Variants in HMGXB4 observed in about 807,000 individuals in gnomAD.
HMGXB4 encodes HMG-box containing 4.
HMGXB4 carries 27 observed loss-of-function variants against 63.9 expected under a neutral mutation model. The ratio of observed to expected loss-of-function variants is 0.42; its 90% confidence interval spans 0.31 to 0.58. HMGXB4 has a LOEUF of 0.58. HMGXB4 is among the 20% of genes least tolerant of loss of function. The pLI, the probability that HMGXB4 is intolerant of heterozygous loss-of-function variation, is 0.13. For synonymous variants in HMGXB4, 264 were observed against 265.3 expected, an observed-to-expected ratio of 0.99 and a Z score of 0.05; for missense variants, 624 against 700.7, an observed-to-expected ratio of 0.89 and a Z score of 1.24.
At chr22:35,263,644 CTT>C in intron 3 of HMGXB4, 150 bp from the exon 4 acceptor site, 1 of 640,164 alleles carries the variant, frequency 1.6e-6, no homozygotes. Context: ...TTTTTAATAA[CTT>C]GAGAAAAGAA....
At chr22:35,287,492 G>A (rs1053876578) in intron 8 of HMGXB4, 40 bp downstream of exon 8, 2 of 1,451,078 alleles carry the variant, frequency 1.4e-6, no homozygotes, top group Non-Finnish European at 9.6e-7. Context: ...TCTAAAGCAT[G>A]TGAATTTTGC....
intron 10 of HMGXB4, 82 bp downstream of exon 10, chr22:35,293,196 TA>T (rs1925033420): frequency 6.7e-7 from 1 of 1,499,664 alleles, no homozygotes; most frequent in Non-Finnish European, 9.2e-7. Context: ...CAGACACACA[TA>T]AGGCTTTGTG....
chr22:35,262,356 C>A lies in HMGXB4; in HGVS notation c.-35C>A. 6.2e-7 allele frequency: 1 copy of A among 1,610,366 alleles called. No homozygotes were observed. The highest frequency in any genetic ancestry group is 8.5e-7 in the Non-Finnish European group (1 of 1,176,546). ...CTGTAGACGGGAAGGAGCCTGGACACAGTGACACATTCTCAAAGGCCCTGC... is the reference window on the plus strand; with the variant it reads ...CTGTAGACGGGAAGGAGCCTGGACAAAGTGACACATTCTCAAAGGCCCTGC... On this transcript the variant is annotated 5_prime_UTR_variant, in exon 2 of 11. Transcript: ENST00000216106.
In HMGXB4 at chr22:35,264,757, C is replaced by T; in HGVS notation, c.369C>T (p.Gly123=). ...CTATCACTTCCCCACTGGCAGCAGG[C>T]TCCAAGCCCTCCAAAAAGACTGGGG... ...LKAITSPLAA[G]SKPSKKTGEK... Residue 123 remains glycine, a synonymous_variant, in exon 5 of 11, where the codon GGC becomes GGT. Coordinates refer to ENST00000216106, the MANE Select transcript of HMGXB4 (RefSeq NM_001003681.3). 2.5e-6 allele frequency: 4 copies of T among 1,614,194 alleles called. No homozygotes were observed. Among genetic ancestry groups the T allele is most frequent in the Non-Finnish European group, 3.4e-6 (4 of 1,180,018 alleles).
Position 35,278,987 on chromosome 22 carries a change from T to A in HMGXB4, c.1216-4975T>A, listed in dbSNP as rs989338479. 1.2e-4 allele frequency among the ~76,000 whole-genome samples: 19 copies of A among 152,034 alleles called. No individual in the cohort carries two copies. In the East Asian group the frequency reaches 3.5e-3, roughly 28 times the overall value. On this transcript the variant is annotated intron_variant, in intron 5 of 10. Coordinates refer to ENST00000216106, the MANE Select transcript of HMGXB4 (RefSeq NM_001003681.3). Reference sequence around the variant, plus strand: ...AGTTGAATCCAGGAATTCAAGACTGTAGTGAGCTATGATCGCACCACTGCA... The same window carrying A: ...AGTTGAATCCAGGAATTCAAGACTGAAGTGAGCTATGATCGCACCACTGCA...
In HMGXB4 at chr22:35,284,015, G is replaced by A; in HGVS notation, c.1269G>A (p.Val423=). ...AYQVFCKEYR[V]TIVADHPGID... ...AGGTGTTCTGTAAAGAGTATCGCGTGACCATTGTGGCTGACCATCCAGGTA... is the reference window on the plus strand; with the variant it reads ...AGGTGTTCTGTAAAGAGTATCGCGTAACCATTGTGGCTGACCATCCAGGTA... The change falls in exon 6 of 11, where the codon GTG becomes GTA. Residue 423 remains valine (V), a synonymous_variant. Transcript: ENST00000216106. The A allele has an allele frequency of 6.2e-7, 1 of 1,614,064 alleles. No homozygotes were observed. The highest frequency in any genetic ancestry group is 2.2e-5 in the East Asian group (1 of 44,880).
At chr22:35,244,950 T>C in the HMGXB4 span, among the ~76,000 whole-genome samples, 91,492 of 152,072 alleles carry the variant, frequency 0.6, 29,566 homozygotes, top group Non-Finnish European at 0.73. Context: ...TTTACAGCAC[T>C]GGGGAACAAA....
chr22:35,281,102 T>C (rs1924215107), intron 5 of HMGXB4, among the ~76,000 whole-genome samples: 1 of 152,246 alleles, frequency 6.6e-6, no homozygotes. Context: ...AATGGGTTAC[T>C]TTTTTTCTAC....
intron 4 of HMGXB4, among the ~76,000 whole-genome samples, chr22:35,264,314 T>C (rs991504293): frequency 6.6e-6 from 1 of 152,234 alleles, no homozygotes; most frequent in Admixed American, 6.5e-5. Flanking sequence ...CAGAAACAAA[T>C]GATACTCTGT....
the HMGXB4 span, among the ~76,000 whole-genome samples, chr22:35,244,436 A>G: frequency 6.6e-6 from 1 of 152,110 alleles, no homozygotes; most frequent in Non-Finnish European, 1.5e-5. Flanking sequence ...CTAATTAAGA[A>G]TAAATAGTAA....
chr22:35,287,367 G>A lies in HMGXB4; in HGVS notation c.1383G>A (p.Gln461=). ...KDKLIWKQKA[Q]YLQHKQNKAE... is the part of the protein sequence containing the mutation. ...TGCAGATTTGGAAGCAAAAAGCTCA[G>A]TATCTGCAGCACAAACAGAACAAAG... The change falls in exon 8 of 11, where the codon CAG becomes CAA. Residue 461 remains glutamine, a synonymous_variant. Transcript: ENST00000216106. The A allele has an allele frequency of 6.2e-7, 1 of 1,613,166 alleles. No homozygotes were observed. The highest frequency in any genetic ancestry group is 8.5e-7 in the Non-Finnish European group (1 of 1,179,358).
chr22:35,252,802 G>C (rs1922243015), upstream of HMGXB4, among the ~76,000 whole-genome samples: 2 of 152,118 alleles, frequency 1.3e-5, no homozygotes, highest in South Asian at 4.1e-4. Context: ...AAGAGTTCGA[G>C]ACCAGCCTGA....
At chr22:35,267,759 G>A (rs892686917) in intron 5 of HMGXB4, among the ~76,000 whole-genome samples, 5 of 152,156 alleles carry the variant, frequency 3.3e-5, no homozygotes, top group Non-Finnish European at 5.9e-5. Context: ...AATGAAAACT[G>A]TATCTCCTCC....
At chr22:35,262,214 C>T (rs1293744754) in intron 1 of HMGXB4, 109 bp from the exon 2 acceptor site, 2 of 662,216 alleles carry the variant, frequency 3.0e-6, no homozygotes, top group Admixed American at 4.8e-5. Flanking sequence ...CTTTTTATTT[C>T]TTGCTGCCCT....
intron 1 of HMGXB4, among the ~76,000 whole-genome samples, chr22:35,259,197 A>G (rs933147634): frequency 6.6e-6 from 1 of 152,222 alleles, no homozygotes; most frequent in African/African-American, 2.4e-5. Context: ...TGTGCATTTC[A>G]TAAGTATACA....
chr22:35,253,466 C>G (rs529210021), upstream of HMGXB4, among the ~76,000 whole-genome samples: 9 of 152,272 alleles, frequency 5.9e-5, no homozygotes, highest in Non-Finnish European at 1.2e-4. Flanking sequence ...ATTTGTCTTC[C>G]CAGAATAGAT....
At chr22:35,283,638 A>G (rs980648818) in intron 5 of HMGXB4, among the ~76,000 whole-genome samples, 1 of 152,164 alleles carries the variant, frequency 6.6e-6, no homozygotes, top group African/African-American at 2.4e-5. Context: ...AAAAATACAA[A>G]AATTACCCGG....
At chr22:35,283,856 G>A in intron 5 of HMGXB4, 106 bp from the exon 6 acceptor site, 1 of 741,816 alleles carries the variant, frequency 1.3e-6, no homozygotes, top group Non-Finnish European at 2.4e-6. Flanking sequence ...CTCTTCCCTT[G>A]ATGAAAAAGT....
intron 5 of HMGXB4, among the ~76,000 whole-genome samples, chr22:35,273,574 A>C (rs1370694015): frequency 2.6e-5 from 4 of 152,222 alleles, no homozygotes; most frequent in African/African-American, 9.6e-5. Flanking sequence ...AAAGCACAAA[A>C]TATATTTGAA....
Sources: allele counts gnomAD v4.1 joint callset (sites outside exome capture counted in the v4.1 genomes callset), GRCh38; gene constraint gnomAD v4.1.1; transcripts MANE v1.5; gene names NCBI Gene and HGNC (gene_info 2026-07-23, HGNC 2026-07-21).